Variants in CACNG4 observed in about 807,000 individuals in gnomAD.
CACNG4 encodes voltage-dependent calcium channel gamma-4 subunit.
A neutral mutation model predicts 22.9 loss-of-function variants in CACNG4; 8 were observed. The ratio of observed to expected loss-of-function variants is 0.35; its 90% CI spans 0.21 to 0.63. The LOEUF is 0.63. Among genes scored for constraint, CACNG4 ranks in the 30% least tolerant of loss-of-function variants. CACNG4 has a pLI of 0.72. For synonymous variants in CACNG4, 188 were observed against 191.9 expected, an observed-to-expected ratio of 0.98 and a Z score of 0.17; for missense variants, 357 against 455.4, an observed-to-expected ratio of 0.78 and a Z score of 1.97.
intron 1 of CACNG4, among the ~76,000 whole-genome samples, chr17:66,986,632 C>G (rs1274131109): frequency 6.6e-6 from 1 of 152,200 alleles, no homozygotes; most frequent in East Asian, 1.9e-4. Flanking sequence ...GCAGATGGTA[C>G]AAGGCTTGCG....
At chr17:67,014,770 C>G (rs1451666769) in intron 1 of CACNG4, among the ~76,000 whole-genome samples, 2 of 152,032 alleles carry the variant, frequency 1.3e-5, no homozygotes, top group Non-Finnish European at 2.9e-5. Context: ...AATCCAGTCT[C>G]TACTAAAAAT....
rs2035328047 is a variant in CACNG4 at position 66,989,814 on chromosome 17, G to A, written c.220+24683G>A. Among the ~76,000 whole-genome samples, 2 of 151,104 alleles carry A rather than the reference G, an allele frequency of 1.3e-5. 1 individual carries two copies. Among genetic ancestry groups the A allele is most frequent in the African/African-American group, 4.9e-5 (2 of 40,648 alleles). On this transcript the variant is annotated intron_variant, in intron 1 of 3. Coordinates refer to ENST00000262138, the MANE Select transcript of CACNG4 (RefSeq NM_014405.4). ...AACCGCCCACCAACCTCCCAATGTG[G>A]GTACTGTTCCTTTCCTGATTGACAG...
chr17:67,011,783 T>A (rs537298342), intron 1 of CACNG4, among the ~76,000 whole-genome samples: 2 of 152,178 alleles, frequency 1.3e-5, no homozygotes, highest in Non-Finnish European at 2.9e-5. Context: ...CAGTATCATC[T>A]TCTACTTGCC....
intron 1 of CACNG4, among the ~76,000 whole-genome samples, chr17:66,970,120 AG>A (rs1598099390): frequency 6.6e-6 from 1 of 152,222 alleles, no homozygotes; most frequent in East Asian, 1.9e-4. Flanking sequence ...ACCTCAAGGT[AG>A]ATATTAATTA....
At chr17:67,014,117 C>A (rs2035483275) in intron 1 of CACNG4, among the ~76,000 whole-genome samples, 1 of 152,170 alleles carries the variant, frequency 6.6e-6, no homozygotes, top group African/African-American at 2.4e-5. Context: ...CACAGCCCAG[C>A]GACCCCTGTC....
chr17:67,013,827 T>G (rs568742446), intron 1 of CACNG4, among the ~76,000 whole-genome samples: 66 of 152,100 alleles, frequency 4.3e-4, no homozygotes, highest in Non-Finnish European at 7.5e-4. Context: ...AAATATTCTT[T>G]TAATGAAAGT....
At chr17:67,008,348 G>C (rs2035449248) in intron 1 of CACNG4, among the ~76,000 whole-genome samples, 1 of 152,174 alleles carries the variant, frequency 6.6e-6, no homozygotes, top group Non-Finnish European at 1.5e-5. Context: ...TAGGAGACCA[G>C]AGTGTGCCAA....
intron 1 of CACNG4, among the ~76,000 whole-genome samples, chr17:66,997,155 G>A (rs542376261): frequency 1.3e-5 from 2 of 152,280 alleles, no homozygotes; most frequent in South Asian, 2.1e-4. Flanking sequence ...GTCCTGGCAG[G>A]TGGTTTTGAG....
rs1317413380 is a variant in CACNG4, at chr17:67,030,951, C to G, written c.931C>G (p.Leu311Val). 2 of 1,613,760 alleles carry G rather than the reference C, an allele frequency of 1.2e-6. No homozygotes were observed. The highest frequency in any genetic ancestry group is 2.7e-5 in the African/African-American group (2 of 74,940). ...GGTGCATGACTTTTTCCAGCAGGACCTGAAGGAAGGTTTCCACGTCAGCAT... is the reference window on the plus strand; with the variant it reads ...GGTGCATGACTTTTTCCAGCAGGACGTGAAGGAAGGTTTCCACGTCAGCAT... ...LQVHDFFQQD[L>V]KEGFHVSMLN... The change falls in exon 4 of 4, where the codon CTG becomes GTG. Residue 311 changes from leucine to valine, a missense_variant. Leu to Val is a conservative substitution (Grantham distance 32). Transcript: ENST00000262138. This position sits in a 1 kb window ranked among gnomAD's most constrained non-coding sequence, Gnocchi z 6.4.
intron 1 of CACNG4, among the ~76,000 whole-genome samples, chr17:67,001,319 C>A (rs570477585): frequency 6.6e-6 from 1 of 152,116 alleles, no homozygotes; most frequent in Non-Finnish European, 1.5e-5. Context: ...CTAATACACA[C>A]CCCCACATGG....
At chr17:66,974,390 C>T (rs998650539) in intron 1 of CACNG4, among the ~76,000 whole-genome samples, 2 of 152,172 alleles carry the variant, frequency 1.3e-5, no homozygotes, top group Non-Finnish European at 1.5e-5. Context: ...TTAAAATGGA[C>T]TCTGTTGAAA....
At chr17:67,006,145 C>T (rs963536371) in intron 1 of CACNG4, among the ~76,000 whole-genome samples, 2 of 152,178 alleles carry the variant, frequency 1.3e-5, no homozygotes, top group African/African-American at 4.8e-5. Flanking sequence ...AGAGCTTGTT[C>T]CTCGTGGGTG....
rs1414308612 is a variant in CACNG4, at chr17:66,973,283, G to A, written c.220+8152G>A. ...AGCACATGTAACATAAGTGGGGGAAGCGATCCTATCAATGGGATGACCTGG... is the reference window on the plus strand; with the variant it reads ...AGCACATGTAACATAAGTGGGGGAAACGATCCTATCAATGGGATGACCTGG... On this transcript the variant is annotated intron_variant, in intron 1 of 3. Transcript: ENST00000262138. Among the ~76,000 whole-genome samples, 5 of 151,492 alleles carry A rather than the reference G, an allele frequency of 3.3e-5. No homozygotes were observed. The East Asian group carries it at 7.8e-4, about 24-fold the overall frequency.
chr17:66,997,345 G>A (rs900459253), intron 1 of CACNG4, among the ~76,000 whole-genome samples: 5 of 152,184 alleles, frequency 3.3e-5, no homozygotes, highest in African/African-American at 9.7e-5. Flanking sequence ...ACGCCCTCCA[G>A]TGAGGACCCC....
Position 67,032,633 on chromosome 17 carries a change from C to T in CACNG4, c.*1629C>T, listed in dbSNP as rs2035615274. On this transcript the variant is annotated 3_prime_UTR_variant, in exon 4 of 4. Coordinates refer to ENST00000262138, the MANE Select transcript of CACNG4 (RefSeq NM_014405.4). ...AAGGACGCATCCACCGGTAGCGGCCCCAGCTGACTGTCGCCGTGTGCTGGG... is the reference window on the plus strand; with the variant it reads ...AAGGACGCATCCACCGGTAGCGGCCTCAGCTGACTGTCGCCGTGTGCTGGG... 1.3e-5 allele frequency: 2 copies of T among 154,834 alleles called. 1 individual carries two copies. The highest frequency in any genetic ancestry group is 4.1e-4 in the South Asian group (2 of 4,938). 9.6% of individuals were successfully genotyped at this position (154,834 alleles called of 1,614,324 possible).
chr17:67,000,413 T>G (rs1391840450), intron 1 of CACNG4, among the ~76,000 whole-genome samples: 1 of 138,940 alleles, frequency 7.2e-6, no homozygotes, highest in Non-Finnish European at 1.5e-5. Context: ...TTTTATTTAC[T>G]GTTTTTTTTT....
intron 2 of CACNG4, among the ~76,000 whole-genome samples, chr17:67,022,410 A>T (rs543862691): frequency 4.6e-5 from 7 of 152,176 alleles, no homozygotes; most frequent in Middle Eastern, 3.4e-3. Flanking sequence ...GGGATGACTG[A>T]CCTCAACTTT....
At chr17:66,974,910 C>T (rs2035226894) in intron 1 of CACNG4, among the ~76,000 whole-genome samples, 1 of 152,118 alleles carries the variant, frequency 6.6e-6, no homozygotes. Context: ...CATGGGCTTG[C>T]AAGGGCTTTG....
At position 67,027,594 on chromosome 17, in the gene CACNG4, A is replaced by G. The variant is rs991541729; in HGVS notation, c.445+2594A>G. Reference sequence around the variant, plus strand: ...CAGTTTCCAAGGCTGGGAAAGTCAGAAGAAGACACAAGACTTCTCTGGGAA... The same window carrying G: ...CAGTTTCCAAGGCTGGGAAAGTCAGGAGAAGACACAAGACTTCTCTGGGAA... On this transcript the variant is annotated intron_variant, in intron 3 of 3. Coordinates refer to ENST00000262138, the MANE Select transcript of CACNG4 (RefSeq NM_014405.4). The surrounding 1 kb of genome is among the most constrained non-coding windows in gnomAD (Gnocchi z 4.3). Among the ~76,000 whole-genome samples, 2 of 152,202 alleles carry G rather than the reference A, an allele frequency of 1.3e-5. No individual in the cohort carries two copies. The highest frequency in any genetic ancestry group is 2.9e-5 in the Non-Finnish European group (2 of 68,026).
Sources: gnomAD v4.1 joint callset for allele counts (sites outside exome capture counted in the v4.1 genomes callset) on GRCh38, gnomAD v4.1.1 for gene constraint, Gnocchi (gnomAD v3.1) non-coding constraint, MANE v1.5 for transcripts, NCBI Gene and HGNC (gene_info 2026-07-23, HGNC 2026-07-21) for gene names.